Variants in TENM3 observed in about 807,000 individuals in gnomAD.
TENM3 encodes the protein teneurin transmembrane protein 3.
Under a neutral mutation model 255.1 loss-of-function variants are expected in TENM3, and 63 were observed. That is an observed-to-expected ratio of 0.25 (90% CI 0.20 to 0.30). The LOEUF (loss-of-function observed/expected upper bound fraction) is 0.30, where lower values mean the gene tolerates loss of function less well. TENM3 is among the 10% of genes least tolerant of loss of function. The pLI, the probability that TENM3 is intolerant of heterozygous loss-of-function variation, is 1.00. For synonymous variants in TENM3, 1,306 were observed against 1,322.3 expected (o/e 0.99, Z 0.27); for missense variants, 2,929 against 3,461.1 (o/e 0.85, Z 3.86).
At chr4:182,329,365 C>T (rs933419604) in intron 2 of TENM3, among the ~76,000 whole-genome samples, 1 of 152,202 alleles carries the variant, frequency 6.6e-6, no homozygotes, top group African/African-American at 2.4e-5. Flanking sequence ...GTGGGAGCAG[C>T]TGGTTTCCTT....
At chr4:182,676,710 A>G (rs1755689214) in intron 7 of TENM3, among the ~76,000 whole-genome samples, 1 of 152,250 alleles carries the variant, frequency 6.6e-6, no homozygotes, top group South Asian at 2.1e-4. Context: ...TACAACAAAC[A>G]TGGGCAAACT....
chr4:182,045,518 C>T, the TENM3 span, among the ~76,000 whole-genome samples: 7 of 151,746 alleles, frequency 4.6e-5, no homozygotes, highest in African/African-American at 1.5e-4. Context: ...TAGGTCATTG[C>T]GTTTTTTTAA....
the TENM3 span, among the ~76,000 whole-genome samples, chr4:181,539,652 G>C: frequency 2.0e-5 from 3 of 152,144 alleles, no homozygotes; most frequent in Admixed American, 6.6e-5. Context: ...CTAGATCTTA[G>C]AAGTAGGCAA....
chr4:181,907,332 C>T, the TENM3 span, among the ~76,000 whole-genome samples: 1 of 152,138 alleles, frequency 6.6e-6, no homozygotes, highest in African/African-American at 2.4e-5. Flanking sequence ...GTGTCCCTAG[C>T]CAGTCACTGC....
intron 3 of TENM3, among the ~76,000 whole-genome samples, chr4:182,499,283 C>T (rs1192762762): frequency 6.6e-6 from 1 of 152,190 alleles, no homozygotes; most frequent in East Asian, 1.9e-4. Flanking sequence ...AAATTACAGC[C>T]TCAATTGCAA....
At chr4:181,467,089 GTGTGTGTGTGTGTGTATATATA>G in the TENM3 span, among the ~76,000 whole-genome samples, 12 of 64,418 alleles carry the variant, frequency 1.9e-4, no homozygotes, top group African/African-American at 9.2e-4. Flanking sequence ...GTGTGCGTGT[GTGTGTGTGTGTGTGTATATATA>G]TATATATATA....
At chr4:182,004,297 T>A in the TENM3 span, among the ~76,000 whole-genome samples, 69 of 152,276 alleles carry the variant, frequency 4.5e-4, no homozygotes, top group African/African-American at 1.6e-3. Flanking sequence ...AACTCCCACT[T>A]ATGAGTGAAA....
chr4:182,294,211 T>A (rs1000578937), intron 1 of TENM3, among the ~76,000 whole-genome samples: 13 of 152,180 alleles, frequency 8.5e-5, no homozygotes, highest in Admixed American at 8.5e-4. Flanking sequence ...GTGAAGTGCT[T>A]TCTTTTCTTA....
the TENM3 span, among the ~76,000 whole-genome samples, chr4:181,872,716 C>T: frequency 6.6e-6 from 1 of 151,834 alleles, no homozygotes; most frequent in Non-Finnish European, 1.5e-5. Flanking sequence ...TGCTGGGGCC[C>T]ATTAATTTTA....
intron 3 of TENM3, among the ~76,000 whole-genome samples, chr4:182,579,322 A>G (rs1039317176): frequency 6.6e-6 from 1 of 152,198 alleles, no homozygotes; most frequent in Non-Finnish European, 1.5e-5. Context: ...TATTTAATAA[A>G]TGAGAGGTAG....
chr4:182,538,229 G>T lies in TENM3; in HGVS notation c.512-62695G>T, dbSNP rs1218731315. ...AATGTTATTAACAATTATTTATGGA[G>T]TTCCCAGAGGCACAAGGCATTTGGC... On this transcript the variant is annotated intron_variant, in intron 3 of 27. Coordinates refer to ENST00000511685, the MANE Select transcript of TENM3 (RefSeq NM_001080477.4). Among the ~76,000 whole-genome samples, 13 of 152,260 alleles carry T rather than the reference G, an allele frequency of 8.5e-5. 1 individual carries two copies. Among genetic ancestry groups the T allele is most frequent in the Middle Eastern group, 3.4e-3 (1 of 294 alleles).
intron 1 of TENM3, among the ~76,000 whole-genome samples, chr4:182,246,346 C>A (rs1380508039): frequency 7.1e-6 from 1 of 140,636 alleles, no homozygotes; most frequent in African/African-American, 2.5e-5. Context: ...TCGCTATGAG[C>A]CCCCACCCCC....
chr4:181,823,038 T>C, the TENM3 span, among the ~76,000 whole-genome samples: 11 of 152,326 alleles, frequency 7.2e-5, no homozygotes, highest in African/African-American at 2.4e-4. Flanking sequence ...AATGGATTAA[T>C]TGAGACAGAT....
At chr4:182,486,336 G>T (rs1321129780) in intron 3 of TENM3, among the ~76,000 whole-genome samples, 1 of 150,262 alleles carries the variant, frequency 6.7e-6, no homozygotes, top group South Asian at 2.1e-4. Flanking sequence ...GTGGGTGGGT[G>T]GTCATCCCTA....
chr4:181,916,621 G>A, the TENM3 span, among the ~76,000 whole-genome samples: 1,022 of 152,298 alleles, frequency 6.7e-3, 5 homozygotes, highest in African/African-American at 0.023. Context: ...GCTCACACCT[G>A]TAATCTCAGC....
chr4:181,953,824 A>G, the TENM3 span, among the ~76,000 whole-genome samples: 9 of 152,158 alleles, frequency 5.9e-5, no homozygotes, highest in Admixed American at 5.9e-4. Context: ...TCACCCATTT[A>G]AGTGTGTATT....
At chr4:181,501,215 GT>G in the TENM3 span, among the ~76,000 whole-genome samples, 3 of 152,110 alleles carry the variant, frequency 2.0e-5, no homozygotes, top group Non-Finnish European at 4.4e-5. Context: ...GAAGGCAGCT[GT>G]TTCAGACCTC....
At chr4:182,790,572 C>T (rs12506557) in intron 25 of TENM3, among the ~76,000 whole-genome samples, 15,731 of 152,166 alleles carry the variant, frequency 0.1, 1,086 homozygotes, top group Admixed American at 0.16. Flanking sequence ...CTCTGGGATG[C>T]GTCCAGCTAG....
At chr4:182,019,130 C>G in the TENM3 span, among the ~76,000 whole-genome samples, 4 of 152,170 alleles carry the variant, frequency 2.6e-5, no homozygotes, top group African/African-American at 9.7e-5. Context: ...ATTTCTGAAG[C>G]CACTCTCAAA....
Sources: allele counts gnomAD v4.1 joint callset (sites outside exome capture counted in the v4.1 genomes callset), GRCh38; gene constraint gnomAD v4.1.1; transcripts MANE v1.5; gene names NCBI Gene and HGNC (gene_info 2026-07-23, HGNC 2026-07-21).